The following PGK1 variants were observed in gnomAD, a reference collection of about 807,000 sequenced individuals.
PGK1 encodes PRP 2.
A neutral mutation model predicts 26.9 loss-of-function variants in PGK1; 3 were observed. The observed-to-expected ratio is 0.11, with a 90% CI of 0.05 to 0.29. PGK1 has a LOEUF of 0.29. PGK1 is among the 10% of genes least tolerant of loss of function. PGK1 has a pLI of 1.00. For missense variants in PGK1, 270 were observed against 314.7 expected (o/e 0.86, Z 1.07); for synonymous variants, 125 against 115.3 (o/e 1.08, Z -0.54).
rs2078386780 is a variant in PGK1 at position 78,127,059 on chromosome X, CCTT to C, written c.*1233_*1235del. The C allele has an allele frequency of 8.9e-6, 1 of 112,613 alleles. No homozygotes were observed. Among genetic ancestry groups the C allele is most frequent in the East Asian group, 2.8e-4 (1 of 3,599 alleles). 9.3% of individuals were successfully genotyped at this position (112,613 alleles called of 1,213,427 possible). ...GCTGTTGCTCTGGTATTTCCTATAA[CCTT>C]CTTGGGGATTTCTTTTACCTCCTGT... is the stretch of plus-strand genomic sequence containing the variant. On this transcript the variant is annotated 3_prime_UTR_variant, in exon 11 of 11. Coordinates refer to ENST00000373316, the MANE Select transcript of PGK1 (RefSeq NM_000291.4).
In PGK1 at chrX:78,126,258, T is replaced by C. The variant is rs2078382959; in HGVS notation, c.*428T>C. On this transcript the variant is annotated 3_prime_UTR_variant, in exon 11 of 11. Coordinates refer to ENST00000373316, the MANE Select transcript of PGK1 (RefSeq NM_000291.4). ...ATCCATTAAGTAAACAATAAAAGTG[T>C]CCATTGAAACCGTGATTTTTTTTTT... The C allele has an allele frequency of 7.1e-6, 1 of 140,026 alleles. No individual in the cohort carries two copies. The highest frequency in any genetic ancestry group is 1.4e-5 in the Non-Finnish European group (1 of 70,455). 11.5% of individuals were successfully genotyped at this position (140,026 alleles called of 1,213,427 possible). A position where few individuals can be genotyped will look rare whatever the true frequency, so the allele number is the denominator to read the frequency against.
chrX:78,122,797 ATTC>A (rs782576436), intron 6 of PGK1, 35 bp from the exon 7 acceptor site: 16 of 794,052 alleles, frequency 2.0e-5, no homozygotes, highest in Non-Finnish European at 2.7e-5. Context: ...TCTCTAGTCC[ATTC>A]TTCTTTAAGT....
chrX:78,117,981 G>A, intron 5 of PGK1, 70 bp from the exon 6 acceptor site: 1 of 1,009,776 alleles, frequency 9.9e-7, no homozygotes, highest in South Asian at 1.9e-5. Flanking sequence ...TAGTGATAAG[G>A]AGCTGGCCTC....
At chrX:78,118,267 G>T in intron 6 of PGK1, 97 bp downstream of exon 6, 1 of 895,407 alleles carries the variant, frequency 1.1e-6, no homozygotes, top group Non-Finnish European at 1.6e-6. Context: ...AGTCACACTG[G>T]GTAACTGAGG....
intron 2 of PGK1, among the ~76,000 whole-genome samples, chrX:78,113,491 A>G (rs782358656): frequency 4.5e-5 from 5 of 111,331 alleles, no homozygotes; most frequent in Non-Finnish European, 9.4e-5. Flanking sequence ...CCTTCTGTAG[A>G]TAGTAGCCTC....
At chrX:78,124,214 A>G (rs1359682988) in intron 8 of PGK1, among the ~76,000 whole-genome samples, 1 of 111,788 alleles carries the variant, frequency 8.9e-6, no homozygotes, top group Admixed American at 9.5e-5. Flanking sequence ...CTTTTCAGGC[A>G]TTCACGTATT....
At chrX:78,106,773 TCTG>T in intron 1 of PGK1, 1 of 211,106 alleles carries the variant, frequency 4.7e-6, no homozygotes, top group South Asian at 2.2e-4. Context: ...TGAATACACT[TCTG>T]CTTATTTTTG....
intron 6 of PGK1, among the ~76,000 whole-genome samples, chrX:78,120,083 C>T (rs200602235): frequency 1.5e-5 from 1 of 65,699 alleles, no homozygotes; most frequent in Non-Finnish European, 2.8e-5. Flanking sequence ...ATAGCTGTTA[C>T]GGGGAATTGG....
chrX:78,123,962 C>T (rs1254941793), intron 8 of PGK1, among the ~76,000 whole-genome samples: 1 of 111,373 alleles, frequency 9.0e-6, no homozygotes, highest in African/African-American at 3.3e-5. Context: ...TAAGTACTTA[C>T]TGCGTACTGG....
chrX:78,104,717 C>T (rs1285894198), intron 1 of PGK1, among the ~76,000 whole-genome samples: 2 of 111,367 alleles, frequency 1.8e-5, no homozygotes, highest in Non-Finnish European at 3.8e-5. Flanking sequence ...TCCCAGTCGG[C>T]GAGATGGGAC....
chrX:78,116,298 T>C (rs1426555963), intron 4 of PGK1, among the ~76,000 whole-genome samples: 1 of 112,165 alleles, frequency 8.9e-6, no homozygotes, highest in East Asian at 2.8e-4. Flanking sequence ...CATTTGAGCA[T>C]TGTTATCATT....
intron 6 of PGK1, among the ~76,000 whole-genome samples, chrX:78,119,974 A>G (rs782406771): frequency 5.1e-4 from 57 of 111,566 alleles, no homozygotes; most frequent in Non-Finnish European, 1.0e-3. Context: ...AAAGGTATCT[A>G]TTCCTGGGCT....
At position 78,127,115 on chromosome X, in the gene PGK1, C is replaced by T. The variant is rs1427622152; in HGVS notation, c.*1285C>T. 1 of 112,477 alleles carries T rather than the reference C, an allele frequency of 8.9e-6. No individual in the cohort carries two copies. The highest frequency in any genetic ancestry group is 1.9e-5 in the Non-Finnish European group (1 of 53,303). 9.3% of individuals were successfully genotyped at this position (112,477 alleles called of 1,213,427 possible). On this transcript the variant is annotated 3_prime_UTR_variant, in exon 11 of 11. Coordinates refer to ENST00000373316, the MANE Select transcript of PGK1 (RefSeq NM_000291.4). ...TAGACTCCTGTTTTCTGGATTCCCC[C>T]TTTTCCCTCTTTCTTGGTCTACTTT...
rs782533317 is a variant in PGK1 at position 78,117,373 on chromosome X, T to G, written c.479T>G (p.Val160Gly). Reference sequence around the variant, plus strand: ...GCTTCACTTTCCAAGCTAGGGGATGTCTATGTCAATGATGCTTTTGGCACT... The same window carrying G: ...GCTTCACTTTCCAAGCTAGGGGATGGCTATGTCAATGATGCTTTTGGCACT... ...FRASLSKLGD[V>G]YVNDAFGTAH... is the part of the protein sequence containing the mutation. The change falls in exon 5 of 11, where the codon GTC (valine) becomes GGC (glycine). Residue 160 changes from valine (V) to glycine (G), a missense_variant. Coordinates refer to ENST00000373316, the MANE Select transcript of PGK1 (RefSeq NM_000291.4). 4.2e-6 allele frequency: 5 copies of G among 1,202,929 alleles called. No homozygotes were observed. In the South Asian group the frequency reaches 8.8e-5, roughly 21 times the overall value.
chrX:78,106,018 G>A (rs1009225570), intron 1 of PGK1, among the ~76,000 whole-genome samples: 1 of 112,278 alleles, frequency 8.9e-6, no homozygotes. Flanking sequence ...CAAGGAGTGG[G>A]ACATTATGCT....
At chrX:78,114,284 G>A (rs1288268116) in intron 4 of PGK1, 124 bp downstream of exon 4, 2 of 694,007 alleles carry the variant, frequency 2.9e-6, no homozygotes, top group Non-Finnish European at 4.6e-6. Flanking sequence ...ATACAATGCC[G>A]ACACAGCTTG....
intron 4 of PGK1, among the ~76,000 whole-genome samples, chrX:78,116,601 T>A (rs782028259): frequency 8.9e-6 from 1 of 112,437 alleles, no homozygotes; most frequent in Non-Finnish European, 1.9e-5. Flanking sequence ...TGCCAGAGAC[T>A]CTCTGGTTTG....
chrX:78,113,622 G>C, intron 2 of PGK1, 122 bp from the exon 3 acceptor site: 4 of 623,906 alleles, frequency 6.4e-6, no homozygotes, highest in South Asian at 4.8e-5. Context: ...ATTACTGATA[G>C]TAGATTTGAA....
Position 78,126,104 on chromosome X carries a change from AAG to A in PGK1, c.*276_*277del, listed in dbSNP as rs371436001. On this transcript the variant is annotated 3_prime_UTR_variant, in exon 11 of 11. Coordinates refer to ENST00000373316, the MANE Select transcript of PGK1 (RefSeq NM_000291.4). ...ATATATTTATATTTTGCCTGTTAAA[AAG>A]AAAGTGAGCAGTGTTAGCTTAGTTC... 433 of 379,792 alleles carry A rather than the reference AAG, an allele frequency of 1.1e-3. 3 individuals are homozygous for A. Among genetic ancestry groups the A allele is most frequent in the African/African-American group, 0.01 (401 of 39,747 alleles). The allele number at this position is 379,792 out of a possible 1,213,427, so 31.3% of individuals were successfully genotyped here. A position where few individuals can be genotyped will look rare whatever the true frequency, so the allele number is the denominator to read the frequency against.
Sources: gnomAD v4.1 joint callset for allele counts (sites outside exome capture counted in the v4.1 genomes callset) on GRCh38, gnomAD v4.1.1 for gene constraint, MANE v1.5 for transcripts, NCBI Gene and HGNC (gene_info 2026-07-23, HGNC 2026-07-21) for gene names.